Variants in IDI1 observed in about 807,000 individuals in gnomAD.
IDI1 encodes the protein isopentenyl-diphosphate Delta-isomerase 1.
A neutral mutation model predicts 32.9 loss-of-function variants in IDI1; 23 were observed. That is an observed-to-expected ratio of 0.70 (90% CI 0.50 to 0.99). The LOEUF is 0.99. IDI1 is among the 50% of genes least tolerant of loss of function. IDI1 has a pLI of 0.00. For missense variants in IDI1, 326 were observed against 351.9 expected (o/e 0.93, Z 0.59); for synonymous variants, 133 against 128.2 (o/e 1.04, Z -0.25).
At chr10:1,043,171 C>A in intron 3 of IDI1, 130 bp downstream of exon 3, 1 of 634,680 alleles carries the variant, frequency 1.6e-6, no homozygotes, top group Non-Finnish European at 2.8e-6. Context: ...TGTGTAAACT[C>A]ACTTTATGCA....
In IDI1 at chr10:1,040,265, A is replaced by G. The variant is rs1832519412; in HGVS notation, c.*922T>C. The G allele has an allele frequency of 6.6e-6, 1 of 152,270 alleles. No homozygotes were observed. Among genetic ancestry groups the G allele is most frequent in the South Asian group, 2.1e-4 (1 of 4,826 alleles). 9.4% of individuals were successfully genotyped at this position (152,270 alleles called of 1,614,324 possible). On this transcript the variant is annotated 3_prime_UTR_variant, in exon 5 of 5. Coordinates refer to ENST00000381344, the MANE Select transcript of IDI1 (RefSeq NM_004508.4). Reference sequence around the variant, plus strand: ...ACAATATTTCCTGACTCTGTAGGACAGTGGTCCTCAGTTGGGGGTTGACTC... The same window carrying G: ...ACAATATTTCCTGACTCTGTAGGACGGTGGTCCTCAGTTGGGGGTTGACTC...
chr10:1,044,294 A>AC, intron 1 of IDI1, 123 bp from the exon 2 acceptor site: 1 of 673,576 alleles, frequency 1.5e-6, no homozygotes, highest in Non-Finnish European at 2.5e-6. Flanking sequence ...CCCCACAGGG[A>AC]CCCCAAGAAC....
chr10:1,042,272 A>T (rs1238720475), intron 4 of IDI1, among the ~76,000 whole-genome samples: 1 of 152,158 alleles, frequency 6.6e-6, no homozygotes, highest in Non-Finnish European at 1.5e-5. Context: ...TCCATCAGAA[A>T]ATCTTCACCT....
chr10:1,049,110 C>G lies in IDI1; in HGVS notation c.-107G>C. On this transcript the variant is annotated 5_prime_UTR_variant, in exon 1 of 5. Transcript: ENST00000381344. ...TGACAACGGCAGACGCGCGAAGCAC[C>G]GGGAACCTGAGCCGTGACCGCGGGC... 2 of 1,402,614 alleles carry G rather than the reference C, an allele frequency of 1.4e-6. No individual in the cohort carries two copies. The allele number at this position is 1,402,614 out of a possible 1,614,324, so 86.9% of individuals were successfully genotyped here.
At chr10:1,044,712 C>A (rs1005453972) in intron 1 of IDI1, among the ~76,000 whole-genome samples, 3 of 152,172 alleles carry the variant, frequency 2.0e-5, no homozygotes, top group African/African-American at 4.8e-5. Context: ...AAGACTTAAT[C>A]CAGTTTTTCT....
chr10:1,053,066 A>C (rs1230526585), upstream of IDI1, among the ~76,000 whole-genome samples: 3 of 151,558 alleles, frequency 2.0e-5, no homozygotes, highest in Non-Finnish European at 2.9e-5. Context: ...TGGTGGTGTG[A>C]TCTTGGCTTA....
intron 1 of IDI1, 197 bp downstream of exon 1, chr10:1,048,667 C>T: frequency 1.4e-6 from 2 of 1,410,568 alleles, no homozygotes; most frequent in Non-Finnish European, 1.8e-6. Flanking sequence ...CCACGGGGCG[C>T]GGGCGCCCAC....
rs997801298 is a variant in IDI1, at chr10:1,043,698, C to T, written c.313+301G>A. On this transcript the variant is annotated intron_variant, in intron 2 of 4. Coordinates refer to ENST00000381344, the MANE Select transcript of IDI1 (RefSeq NM_004508.4). Reference sequence around the variant, plus strand: ...ACATGCTTCCCTGCATGGTGCCCGCCTCTCTCCACTCTCTAGAAATATTAG... The same window carrying T: ...ACATGCTTCCCTGCATGGTGCCCGCTTCTCTCCACTCTCTAGAAATATTAG... 4.7e-6 allele frequency: 3 copies of T among 640,384 alleles called. No homozygotes were observed. The African/African-American group carries it at 5.3e-5, about 11-fold the overall frequency. 39.7% of individuals were successfully genotyped at this position (640,384 alleles called of 1,614,324 possible). A position where few individuals can be genotyped will look rare whatever the true frequency, so the allele number is the denominator to read the frequency against.
At position 1,040,932 on chromosome 10, in the gene IDI1, G is replaced by A. The variant is rs76975681; in HGVS notation, c.*255C>T. ...AGATTAAATTAAGTTTTATTTGCTC[G>A]CTCTCATTTTACAATAATCTCTCAC... On this transcript the variant is annotated 3_prime_UTR_variant, in exon 5 of 5. Coordinates refer to ENST00000381344, the MANE Select transcript of IDI1 (RefSeq NM_004508.4). 21 of 343,616 alleles carry A rather than the reference G, an allele frequency of 6.1e-5. No homozygotes were observed. Among genetic ancestry groups the A allele is most frequent in the South Asian group, 4.4e-4 (6 of 13,652 alleles). 21.3% of individuals were successfully genotyped at this position (343,616 alleles called of 1,614,324 possible). A position where few individuals can be genotyped will look rare whatever the true frequency, so the allele number is the denominator to read the frequency against.
rs1236252139 is a variant in IDI1, at chr10:1,040,968, TAGAAAC to T, written c.*213_*218del. On this transcript the variant is annotated 3_prime_UTR_variant, in exon 5 of 5. Transcript: ENST00000381344. ...ACAATAATCTCTCACAAATGTCGCT[TAGAAAC>T]AGAACACATATCCAGGGTGTGTGAT... is the stretch of plus-strand genomic sequence containing the variant. 2 of 420,656 alleles carry T rather than the reference TAGAAAC, an allele frequency of 4.8e-6. No individual in the cohort carries two copies. Among genetic ancestry groups the T allele is most frequent in the African/African-American group, 4.0e-5 (2 of 49,534 alleles). 26.1% of individuals were successfully genotyped at this position (420,656 alleles called of 1,614,324 possible).
chr10:1,055,768 T>C, the IDI1 span, among the ~76,000 whole-genome samples: 1 of 152,188 alleles, frequency 6.6e-6, no homozygotes, highest in South Asian at 2.1e-4. Flanking sequence ...AATTTGTTTC[T>C]TGTGCAACAA....
At chr10:1,045,540 C>A (rs192562351) in intron 1 of IDI1, among the ~76,000 whole-genome samples, 1 of 152,348 alleles carries the variant, frequency 6.6e-6, no homozygotes, top group East Asian at 1.9e-4. Flanking sequence ...AATCTCAGCT[C>A]ACTACAACCC....
chr10:1,048,743 A>G, intron 1 of IDI1, 121 bp downstream of exon 1: 1 of 1,479,214 alleles, frequency 6.8e-7, no homozygotes, highest in Non-Finnish European at 8.9e-7. Context: ...CCAGCTGTCC[A>G]GGCCTCCGCG....
At position 1,049,082 on chromosome 10, in the gene IDI1, C is replaced by CTG; in HGVS notation, c.-81_-80dup. 7.0e-7 allele frequency: 1 copy of CTG among 1,420,064 alleles called. No homozygotes were observed. Among genetic ancestry groups the CTG allele is most frequent in the Non-Finnish European group, 9.1e-7 (1 of 1,094,850 alleles). 88.0% of individuals were successfully genotyped at this position (1,420,064 alleles called of 1,614,324 possible). A position where few individuals can be genotyped will look rare whatever the true frequency, so the allele number is the denominator to read the frequency against. On this transcript the variant is annotated 5_prime_UTR_variant, in exon 1 of 5. Transcript: ENST00000381344. ...CGCCTGGTGGTGCCACCTCCCTGGC[C>CTG]TGTGACAACGGCAGACGCGCGAAGC... is the stretch of plus-strand genomic sequence containing the variant.
At chr10:1,054,751 G>T in the IDI1 span, among the ~76,000 whole-genome samples, 2 of 152,202 alleles carry the variant, frequency 1.3e-5, no homozygotes, top group African/African-American at 4.8e-5. Flanking sequence ...ATGTGTTAAA[G>T]ACCTCACTTC....
rs574248854 is a variant in IDI1 at position 1,044,088 on chromosome 10, G to A, written c.224C>T (p.Ala75Val). The A allele has an allele frequency of 1.9e-6, 3 of 1,613,150 alleles. No individual in the cohort carries two copies. The Admixed American group carries it at 5.0e-5, about 27-fold the overall frequency. ...TTCATCAATAAGGATACACATCTCT[G>A]CCAGGAGTTGAACCTGTTGCTTGTC... ...HLDKQQVQLL[A>V]EMCILIDEND... Residue 75 changes from alanine to valine, a missense_variant, in exon 2 of 5, where the codon GCA becomes GTA. Physicochemically the swap from Ala to Val is moderately conservative, Grantham distance 64. Transcript: ENST00000381344.
chr10:1,044,050 T>C lies in IDI1; in HGVS notation c.262A>G (p.Ile88Val), dbSNP rs1470218707. The stretch of plus-strand genomic sequence containing the variant: ...CAATTCTTCTTGGTCTCAGCTCCAA[T>C]TTTATTGTCATTTTCATCAATAAGG... ...CILIDENDNKIGAETKKNCHL... is the reference protein window; with the variant it reads ...CILIDENDNKVGAETKKNCHL... Residue 88 changes from isoleucine to valine, a missense_variant, in exon 2 of 5, where the codon ATT becomes GTT. Around this residue, in one of 2 missense-constraint regions of IDI1, gnomAD observed 205 missense variants for 273.5 expected, o/e 0.75. Transcript: ENST00000381344. The C allele has an allele frequency of 6.2e-7, 1 of 1,613,320 alleles. No homozygotes were observed. Among genetic ancestry groups the C allele is most frequent in the Non-Finnish European group, 8.5e-7 (1 of 1,179,692 alleles).
Position 1,041,472 on chromosome 10 carries a change from T to G in IDI1, c.570A>C (p.Arg190=), listed in dbSNP as rs531093330. Residue 190 remains arginine (R), a synonymous_variant, in exon 5 of 5, where the codon CGA becomes CGC. Coordinates refer to ENST00000381344, the MANE Select transcript of IDI1 (RefSeq NM_004508.4). ...VPPEEINYLT[R]IHYKAQSDGI... ...CATCAGACTGAGCTTTGTAGTGAATTCGTGTTAAATAATTAATTTCTTCTG... is the reference window on the plus strand; with the variant it reads ...CATCAGACTGAGCTTTGTAGTGAATGCGTGTTAAATAATTAATTTCTTCTG... 8 of 1,582,970 alleles carry G rather than the reference T, an allele frequency of 5.1e-6. No homozygotes were observed. Among genetic ancestry groups the G allele is most frequent in the Non-Finnish European group, 6.9e-6 (8 of 1,162,004 alleles).
rs1400251390 is a variant in IDI1, at chr10:1,039,920, T to A, written c.*1267A>T. 1 of 152,200 alleles carries A rather than the reference T, an allele frequency of 6.6e-6. No individual in the cohort carries two copies. The highest frequency in any genetic ancestry group is 1.5e-5 in the Non-Finnish European group (1 of 68,036). The allele number at this position is 152,200 out of a possible 1,614,324, so 9.4% of individuals were successfully genotyped here. ...ACTAAACACAGTATTAAATTGCAATTTTTTTTACTTTTCAATAAAATACTT... is the reference window on the plus strand; with the variant it reads ...ACTAAACACAGTATTAAATTGCAATATTTTTTACTTTTCAATAAAATACTT... On this transcript the variant is annotated 3_prime_UTR_variant, in exon 5 of 5. Transcript: ENST00000381344.
Sources: allele counts gnomAD v4.1 joint callset (sites outside exome capture counted in the v4.1 genomes callset), GRCh38; gene constraint gnomAD v4.1.1; regional missense constraint gnomAD v4.1.1; transcripts MANE v1.5; gene names NCBI Gene and HGNC (gene_info 2026-07-23, HGNC 2026-07-21).